The following MAP2K3 variants were observed in gnomAD, a reference collection of about 807,000 sequenced individuals.
The protein encoded by MAP2K3 is mitogen-activated protein kinase kinase 3, also known as dual specificity mitogen-activated protein kinase kinase 3.
Under a neutral mutation model 46.4 loss-of-function variants are expected in MAP2K3, and 30 were observed. The observed-to-expected ratio is 0.65, with a 90% CI of 0.48 to 0.88. The LOEUF is 0.88. MAP2K3 is among the 40% of genes least tolerant of loss of function. The pLI is 0.00. For missense variants in MAP2K3, 380 were observed against 464.5 expected, an observed-to-expected ratio of 0.82 and a Z score of 1.67; for synonymous variants, 189 against 176.3, an observed-to-expected ratio of 1.07 and a Z score of -0.57.
chr17:21,293,987 T>G (rs1441128314), intron 1 of MAP2K3, among the ~76,000 whole-genome samples: 1 of 152,306 alleles, frequency 6.6e-6, no homozygotes, highest in African/African-American at 2.4e-5. Context: ...CTGCAGTACC[T>G]CAGGACCTCT....
intron 9 of MAP2K3, among the ~76,000 whole-genome samples, chr17:21,307,841 C>CTA (rs1976969597): frequency 8.6e-6 from 1 of 115,630 alleles, no homozygotes; most frequent in African/African-American, 3.4e-5. Flanking sequence ...CCATGCCCGG[C>CTA]TATCTTTTTT....
At chr17:21,300,011 G>C (rs553091437) in intron 3 of MAP2K3, among the ~76,000 whole-genome samples, 1,412 of 152,010 alleles carry the variant, frequency 9.3e-3, no homozygotes, top group African/African-American at 0.032. Flanking sequence ...CCCTAGGCCT[G>C]TCCTTGACGA....
Position 21,301,006 on chromosome 17 carries a change from A to AGG in MAP2K3, c.399+13_399+14insGG. Reference sequence around the variant, plus strand: ...ACTATTCAGAGAGGTGCGTCCTTGCATGATGCAGCTGGGGATCTCCACCTC... The same window carrying AGG: ...ACTATTCAGAGAGGTGCGTCCTTGCAGGTGATGCAGCTGGGGATCTCCACCTC... On this transcript the variant is annotated intron_variant, in intron 5 of 11. Coordinates refer to ENST00000342679, the MANE Select transcript of MAP2K3 (RefSeq NM_145109.3). 1.3e-6 allele frequency: 2 copies of AGG among 1,595,902 alleles called. No individual in the cohort carries two copies. The highest frequency in any genetic ancestry group is 1.7e-6 in the Non-Finnish European group (2 of 1,164,522).
intron 9 of MAP2K3, among the ~76,000 whole-genome samples, chr17:21,306,601 C>T (rs1203641704): frequency 2.0e-5 from 3 of 152,288 alleles, no homozygotes; most frequent in East Asian, 3.8e-4. Flanking sequence ...ATTCTTGTGC[C>T]TCAGCCTCCC....
chr17:21,302,277 GC>G lies in MAP2K3; in HGVS notation c.516+19del. ...CTGTGTCTGTGAGTGGCCTGGGTGG[GC>G]TGGCGGGGGGTCCTAGGTGCATAGG... On this transcript the variant is annotated intron_variant, in intron 6 of 11. Coordinates refer to ENST00000342679, the MANE Select transcript of MAP2K3 (RefSeq NM_145109.3). 1 of 1,610,934 alleles carries G rather than the reference GC, an allele frequency of 6.2e-7. No homozygotes were observed. Among genetic ancestry groups the G allele is most frequent in the Admixed American group, 1.7e-5 (1 of 60,008 alleles).
chr17:21,304,512 G>T lies in MAP2K3; in HGVS notation c.655G>T (p.Val219Leu). Residue 219 changes from valine (V) to leucine (L), a missense_variant, in exon 8 of 12, where the codon GTG becomes TTG. Transcript: ENST00000342679. ...FGISGYLVDS[V>L]AKTMDAGCKP... ...CATCAGTGGCTACTTGGTGGACTCT[G>T]TGGCCAAGACGATGGATGCCGGCTG... is the stretch of plus-strand genomic sequence containing the variant. 1.2e-6 allele frequency: 2 copies of T among 1,614,316 alleles called. No homozygotes were observed. The highest frequency in any genetic ancestry group is 1.7e-6 in the Non-Finnish European group (2 of 1,180,058).
intron 7 of MAP2K3, among the ~76,000 whole-genome samples, chr17:21,303,498 G>A (rs1194240591): frequency 6.6e-6 from 1 of 152,312 alleles, no homozygotes; most frequent in African/African-American, 2.4e-5. Context: ...TACAAATCGT[G>A]AAACTCCAGC....
At chr17:21,304,789 C>T (rs1003314742) in intron 8 of MAP2K3, among the ~76,000 whole-genome samples, 26 of 152,296 alleles carry the variant, frequency 1.7e-4, no homozygotes, top group African/African-American at 3.6e-4. Context: ...ACCACCTCTG[C>T]GGAGGACACT....
intron 9 of MAP2K3, among the ~76,000 whole-genome samples, chr17:21,308,159 T>TTTA (rs1976990867): frequency 6.8e-6 from 1 of 146,104 alleles, no homozygotes; most frequent in Non-Finnish European, 1.5e-5. Flanking sequence ...CCTGGCCTTT[T>TTTA]TTTTTTTTGA....
intron 3 of MAP2K3, among the ~76,000 whole-genome samples, chr17:21,299,300 T>C (rs1429886081): frequency 6.6e-6 from 1 of 152,310 alleles, no homozygotes; most frequent in African/African-American, 2.4e-5. Context: ...GCAACCTGCA[T>C]TTTATGCTTC....
At chr17:21,290,166 G>C (rs1034736813) in intron 1 of MAP2K3, among the ~76,000 whole-genome samples, 4 of 152,246 alleles carry the variant, frequency 2.6e-5, no homozygotes, top group Non-Finnish European at 5.9e-5. Flanking sequence ...GCTGCGAGGG[G>C]CTGTGGATGC....
chr17:21,304,616 C>T (rs1976791628), intron 8 of MAP2K3, 63 bp downstream of exon 8: 3 of 1,607,312 alleles, frequency 1.9e-6, no homozygotes, highest in Non-Finnish European at 2.5e-6. Flanking sequence ...TCTGCCCAGG[C>T]TGGCCACCCC....
chr17:21,304,803 G>T (rs1208970099), intron 8 of MAP2K3, among the ~76,000 whole-genome samples: 39 of 152,292 alleles, frequency 2.6e-4, no homozygotes, highest in African/African-American at 9.4e-4. Flanking sequence ...GGACACTGGT[G>T]GGCTGTGCAG....
intron 1 of MAP2K3, 37 bp downstream of exon 1, chr17:21,285,006 C>A (rs1389191716): frequency 5.0e-6 from 8 of 1,595,484 alleles, no homozygotes; most frequent in Non-Finnish European, 6.8e-6. Context: ...CCTGACCCCG[C>A]GCCTAATCTG....
intron 1 of MAP2K3, among the ~76,000 whole-genome samples, chr17:21,292,587 A>G (rs1229364166): frequency 1.3e-5 from 2 of 152,300 alleles, no homozygotes; most frequent in Non-Finnish European, 1.5e-5. Flanking sequence ...CTAGTATTGA[A>G]CTCCTGAGCT....
chr17:21,290,702 G>C (rs1352976152), intron 1 of MAP2K3, among the ~76,000 whole-genome samples: 1 of 152,312 alleles, frequency 6.6e-6, no homozygotes, highest in Non-Finnish European at 1.5e-5. Flanking sequence ...ATAAATCCCA[G>C]CCTTTGGGAG....
At chr17:21,302,854 T>C (rs574138511) in intron 6 of MAP2K3, among the ~76,000 whole-genome samples, 14 of 152,430 alleles carry the variant, frequency 9.2e-5, no homozygotes, top group African/African-American at 3.4e-4. Flanking sequence ...GAATACTGGC[T>C]CTGCCACGGG....
intron 5 of MAP2K3, among the ~76,000 whole-genome samples, chr17:21,301,508 A>T (rs1219730441): frequency 2.0e-5 from 3 of 152,310 alleles, no homozygotes; most frequent in African/African-American, 7.2e-5. Context: ...TGCTGGGCTC[A>T]TACTGGTCAC....
intron 1 of MAP2K3, among the ~76,000 whole-genome samples, chr17:21,293,105 T>C (rs1976035070): frequency 6.6e-6 from 1 of 152,308 alleles, no homozygotes; most frequent in Admixed American, 6.5e-5. Context: ...GTGGGTGTTG[T>C]AGTGTGGGGG....
Sources: gnomAD v4.1 joint callset for allele counts (sites outside exome capture counted in the v4.1 genomes callset) on GRCh38, gnomAD v4.1.1 for gene constraint, MANE v1.5 for transcripts, NCBI Gene and HGNC (gene_info 2026-07-23, HGNC 2026-07-21) for gene names.